The following HPSE2 variants were observed in gnomAD, a reference collection of about 807,000 sequenced individuals.
HPSE2 encodes inactive heparanase-2.
Under a neutral mutation model 60.5 loss-of-function variants are expected in HPSE2, and 38 were observed. That is an observed-to-expected ratio of 0.63 (90% CI 0.48 to 0.82). The LOEUF is 0.82. Ranked by LOEUF, HPSE2 falls within the 40% of genes least tolerant of loss-of-function variation. HPSE2 has a pLI of 0.00. For missense variants in HPSE2, 713 were observed against 740.4 expected, an observed-to-expected ratio of 0.96 and a Z score of 0.43; for synonymous variants, 295 against 293.2, an observed-to-expected ratio of 1.01 and a Z score of -0.06.
chr10:98,846,447 C>T (rs1952037099), intron 3 of HPSE2, among the ~76,000 whole-genome samples: 3 of 152,198 alleles, frequency 2.0e-5, no homozygotes, highest in African/African-American at 7.2e-5. Context: ...AGTGAGTATG[C>T]TGAGCATGGA....
At chr10:98,706,936 C>T (rs1537891) in intron 5 of HPSE2, among the ~76,000 whole-genome samples, 3 of 152,062 alleles carry the variant, frequency 2.0e-5, no homozygotes, top group Non-Finnish European at 4.4e-5. Context: ...TCGTCTTCCA[C>T]GTATGTTTGT....
At chr10:98,652,245 A>G (rs1437728142) in intron 6 of HPSE2, among the ~76,000 whole-genome samples, 9 of 152,216 alleles carry the variant, frequency 5.9e-5, no homozygotes, top group Admixed American at 5.9e-4. Flanking sequence ...ACACAGAACA[A>G]AAGGAAAATA....
intron 6 of HPSE2, among the ~76,000 whole-genome samples, chr10:98,650,379 T>A (rs900460729): frequency 3.9e-5 from 6 of 152,242 alleles, no homozygotes. Context: ...ACAATTTGTG[T>A]TATATTAACT....
intron 3 of HPSE2, among the ~76,000 whole-genome samples, chr10:98,996,990 C>T (rs952618071): frequency 5.3e-5 from 8 of 151,978 alleles, no homozygotes; most frequent in Admixed American, 5.2e-4. Flanking sequence ...CACTTAGGAC[C>T]TTTACACTTC....
chr10:99,184,316 G>A (rs1847888003), intron 2 of HPSE2, among the ~76,000 whole-genome samples: 1 of 152,010 alleles, frequency 6.6e-6, no homozygotes, highest in African/African-American at 2.4e-5. Flanking sequence ...TTTGAGGTCA[G>A]GAGTTTGAGA....
rs1286801225 is a variant in HPSE2, at chr10:98,750,512, G to T, written c.611-6456C>A. Among the ~76,000 whole-genome samples, 6 of 152,142 alleles carry T rather than the reference G, an allele frequency of 3.9e-5. No individual in the cohort carries two copies. In the East Asian group the frequency reaches 1.2e-3, roughly 29 times the overall value. ...AAGGGTGAAAGCAAGGAAATTAGGAGTCTATAGCAATAATTGAAGCAAGGG... is the reference window on the plus strand; with the variant it reads ...AAGGGTGAAAGCAAGGAAATTAGGATTCTATAGCAATAATTGAAGCAAGGG... On this transcript the variant is annotated intron_variant, in intron 3 of 11. Transcript: ENST00000370552.
chr10:98,712,168 C>T (rs1464375963), intron 5 of HPSE2, among the ~76,000 whole-genome samples: 3 of 151,986 alleles, frequency 2.0e-5, no homozygotes, highest in African/African-American at 7.2e-5. Flanking sequence ...TGTTTCAGGA[C>T]TCCAGCCTCC....
chr10:99,233,081 T>C (rs896196238), intron 1 of HPSE2, among the ~76,000 whole-genome samples: 2 of 152,246 alleles, frequency 1.3e-5, no homozygotes, highest in African/African-American at 4.8e-5. Context: ...TTTCTTTTAA[T>C]GTCCGAGTTG....
chr10:98,492,672 T>C (rs183529345), intron 9 of HPSE2, among the ~76,000 whole-genome samples: 17 of 152,310 alleles, frequency 1.1e-4, no homozygotes, highest in Admixed American at 9.8e-4. Flanking sequence ...CAATAGGAGA[T>C]AGCTAAATGC....
intron 2 of HPSE2, among the ~76,000 whole-genome samples, chr10:99,203,308 C>T (rs534422464): frequency 2.5e-4 from 38 of 152,126 alleles, no homozygotes; most frequent in African/African-American, 9.2e-4. Context: ...GCCCTAGTCA[C>T]GAGCCAGCAC....
At chr10:98,912,157 T>C (rs571277330) in intron 3 of HPSE2, among the ~76,000 whole-genome samples, 52 of 152,290 alleles carry the variant, frequency 3.4e-4, no homozygotes, top group African/African-American at 1.2e-3. Context: ...TAATTGGATG[T>C]TTATTTTGGG....
chr10:98,822,567 A>G (rs1459492043), intron 3 of HPSE2, among the ~76,000 whole-genome samples: 4 of 151,976 alleles, frequency 2.6e-5, no homozygotes, highest in African/African-American at 4.8e-5. Context: ...TGTAAATCCA[A>G]ATATATCAGT....
At chr10:99,189,533 T>C (rs189602864) in intron 2 of HPSE2, among the ~76,000 whole-genome samples, 2 of 152,328 alleles carry the variant, frequency 1.3e-5, no homozygotes, top group East Asian at 3.9e-4. Context: ...AAGTGCTCTC[T>C]ACTGCAAAGT....
At chr10:99,224,341 T>A (rs1849404982) in intron 2 of HPSE2, among the ~76,000 whole-genome samples, 2 of 151,806 alleles carry the variant, frequency 1.3e-5, no homozygotes, top group African/African-American at 4.8e-5. Context: ...TTTGCCTAAA[T>A]TACCACTGAT....
intron 11 of HPSE2, among the ~76,000 whole-genome samples, chr10:98,475,370 C>T (rs951711254): frequency 4.6e-5 from 7 of 152,156 alleles, no homozygotes; most frequent in Non-Finnish European, 1.0e-4. Context: ...CCCCCCGCCT[C>T]GGCCTCCCAA....
chr10:99,006,090 G>A (rs1435780457), intron 3 of HPSE2, among the ~76,000 whole-genome samples: 2 of 152,150 alleles, frequency 1.3e-5, no homozygotes, highest in African/African-American at 4.8e-5. Context: ...CCTGAAGCCT[G>A]TATCCACATG....
intron 2 of HPSE2, among the ~76,000 whole-genome samples, chr10:99,207,274 A>G (rs1045614943): frequency 6.6e-6 from 1 of 152,200 alleles, no homozygotes; most frequent in African/African-American, 2.4e-5. Flanking sequence ...AAAGAAAAAA[A>G]TACCCAATCA....
chr10:98,828,526 T>C (rs2134642700), intron 3 of HPSE2, among the ~76,000 whole-genome samples: 1 of 152,186 alleles, frequency 6.6e-6, no homozygotes, highest in East Asian at 1.9e-4. Flanking sequence ...ACAAAACCAA[T>C]TAAAAATGGG....
chr10:98,636,787 C>A (rs1946512823), intron 7 of HPSE2, among the ~76,000 whole-genome samples: 2 of 152,214 alleles, frequency 1.3e-5, no homozygotes, highest in East Asian at 3.8e-4. Flanking sequence ...CAACTCCTTT[C>A]TGTGCTTATT....
Sources: gnomAD v4.1 joint callset for allele counts (sites outside exome capture counted in the v4.1 genomes callset) on GRCh38, gnomAD v4.1.1 for gene constraint, MANE v1.5 for transcripts, NCBI Gene and HGNC (gene_info 2026-07-23, HGNC 2026-07-21) for gene names.